FMNL3: variants seen among roughly 807,000 people sequenced by gnomAD.
FMNL3 encodes the protein formin-like protein 3.
Under a neutral mutation model 119.6 loss-of-function variants are expected in FMNL3, and 57 were observed. The observed-to-expected ratio is 0.48, with a 90% CI of 0.39 to 0.59. The LOEUF is 0.59. FMNL3 is among the 20% of genes least tolerant of loss of function. The probability of loss-of-function intolerance (pLI) is 0.00; values close to 1 mark genes in which losing one functional copy is unlikely to be tolerated. For missense variants in FMNL3, 1,053 were observed against 1,323.5 expected (o/e 0.80, Z 3.17); for synonymous variants, 491 against 507.3 (o/e 0.97, Z 0.43).
chr12:49,688,628 T>G, intron 1 of FMNL3: 1 of 413,724 alleles, frequency 2.4e-6, no homozygotes, highest in Non-Finnish European at 4.8e-6. Context: ...TAAGTGGGTC[T>G]GCAAGAATGA....
intron 1 of FMNL3, among the ~76,000 whole-genome samples, chr12:49,706,413 T>C (rs1945049588): frequency 6.6e-6 from 1 of 152,140 alleles, no homozygotes; most frequent in African/African-American, 2.4e-5. Context: ...CCCAGTGAAA[T>C]GGTTTATCCA....
intron 1 of FMNL3, among the ~76,000 whole-genome samples, chr12:49,694,857 A>T (rs1486549297): frequency 6.6e-6 from 1 of 152,056 alleles, no homozygotes; most frequent in Non-Finnish European, 1.5e-5. Flanking sequence ...GGTTGCAGAG[A>T]GCCGAGATTG....
At chr12:49,663,941 A>T (rs539491921) in intron 4 of FMNL3, among the ~76,000 whole-genome samples, 3 of 151,978 alleles carry the variant, frequency 2.0e-5, no homozygotes, top group Non-Finnish European at 2.9e-5. Context: ...ATCTCTACTA[A>T]ATTTTTTTTT....
At chr12:49,666,080 G>GGACTATAAA (rs1367198297) in intron 3 of FMNL3, 47 bp downstream of exon 3, 22 of 1,589,416 alleles carry the variant, frequency 1.4e-5, no homozygotes, top group Non-Finnish European at 1.9e-5. Flanking sequence ...AAACCCCACA[G>GGACTATAAA]GACTATAAAG....
At position 49,707,198 on chromosome 12, in the gene FMNL3, A is replaced by AG; in HGVS notation, c.-19dup. On this transcript the variant is annotated 5_prime_UTR_variant, in exon 1 of 26. Transcript: ENST00000335154. The stretch of plus-strand genomic sequence containing the variant: ...TTGCCCATCGCGGCGGGGCCCCCTC[A>AG]GGGGCCTCGGCCCCCCACCTCCACG... 1 of 1,507,414 alleles carries AG rather than the reference A, an allele frequency of 6.6e-7. No individual in the cohort carries two copies. Among genetic ancestry groups the AG allele is most frequent in the Admixed American group, 2.3e-5 (1 of 44,206 alleles). The allele number at this position is 1,507,414 out of a possible 1,614,324, so 93.4% of individuals were successfully genotyped here. A position where few individuals can be genotyped will look rare whatever the true frequency, so the allele number is the denominator to read the frequency against.
chr12:49,700,270 T>C (rs1944866929), intron 1 of FMNL3, among the ~76,000 whole-genome samples: 1 of 150,576 alleles, frequency 6.6e-6, no homozygotes, highest in South Asian at 2.1e-4. Context: ...CGGGCGCCTG[T>C]AGTCCCAGCT....
At position 49,674,376 on chromosome 12, in the gene FMNL3, C is replaced by G. The variant is rs966252237; in HGVS notation, c.127-5822G>C. Among the ~76,000 whole-genome samples, 8 of 152,182 alleles carry G rather than the reference C, an allele frequency of 5.3e-5. 1 individual carries two copies. Among genetic ancestry groups the G allele is most frequent in the Admixed American group, 2.0e-4 (3 of 15,276 alleles). ...AAACACTTCAGCTGTACCACCCCAC[C>G]ACCACACCAAAGCACTCAAGAATAT... is the stretch of plus-strand genomic sequence containing the variant. On this transcript the variant is annotated intron_variant, in intron 1 of 25. Coordinates refer to ENST00000335154, the MANE Select transcript of FMNL3 (RefSeq NM_175736.5).
chr12:49,655,797 C>G (rs183602938), intron 9 of FMNL3, among the ~76,000 whole-genome samples: 2 of 151,890 alleles, frequency 1.3e-5, no homozygotes, highest in Admixed American at 6.5e-5. Context: ...GGGAAGAGGT[C>G]CAAAGAAGAG....
intron 21 of FMNL3, among the ~76,000 whole-genome samples, chr12:49,648,658 A>G (rs531989947): frequency 6.6e-6 from 1 of 152,230 alleles, no homozygotes; most frequent in Non-Finnish European, 1.5e-5. Context: ...GGCAGAAATA[A>G]CAGCTACCTC....
chr12:49,673,827 CTGTT>C (rs1346985083), intron 1 of FMNL3, among the ~76,000 whole-genome samples: 10 of 152,396 alleles, frequency 6.6e-5, no homozygotes, highest in Admixed American at 3.3e-4. Flanking sequence ...CTCCACGTCA[CTGTT>C]TGTTTATCTC....
At chr12:49,701,709 G>A (rs991670752) in intron 1 of FMNL3, among the ~76,000 whole-genome samples, 1 of 151,920 alleles carries the variant, frequency 6.6e-6, no homozygotes, top group African/African-American at 2.4e-5. Flanking sequence ...ATCACTTGAG[G>A]CCAGGGGTTC....
intron 1 of FMNL3, among the ~76,000 whole-genome samples, chr12:49,690,763 A>T (rs1469607288): frequency 6.6e-6 from 1 of 152,234 alleles, no homozygotes; most frequent in East Asian, 1.9e-4. Flanking sequence ...AGGAGAGTCA[A>T]CCCCGCAAAA....
At chr12:49,694,870 C>G (rs529460736) in intron 1 of FMNL3, among the ~76,000 whole-genome samples, 2 of 152,140 alleles carry the variant, frequency 1.3e-5, no homozygotes, top group South Asian at 2.1e-4. Flanking sequence ...CGAGATTGCG[C>G]CACTGCACTC....
chr12:49,650,026 T>C, intron 17 of FMNL3, 101 bp from the exon 18 acceptor site: 1 of 1,034,344 alleles, frequency 9.7e-7, no homozygotes, highest in East Asian at 2.6e-5. Flanking sequence ...CAGGGGACTG[T>C]ACACGGAACA....
intron 5 of FMNL3, 100 bp downstream of exon 5, chr12:49,661,866 C>A: frequency 8.6e-7 from 1 of 1,156,970 alleles, no homozygotes. Context: ...ATTCCCATTT[C>A]CATCTTCATT....
intron 9 of FMNL3, among the ~76,000 whole-genome samples, chr12:49,656,056 A>G (rs571310136): frequency 2.6e-5 from 4 of 152,042 alleles, no homozygotes; most frequent in African/African-American, 9.7e-5. Flanking sequence ...TCACTTAAGT[A>G]CATATACTCA....
In FMNL3 at chr12:49,688,451, T is replaced by A. The variant is rs1053441523; in HGVS notation, c.126+18604A>T. 1.8e-5 allele frequency: 8 copies of A among 456,116 alleles called. No individual in the cohort carries two copies. In the East Asian group the frequency reaches 4.9e-4, roughly 28 times the overall value. The allele number at this position is 456,116 out of a possible 1,614,324, so 28.3% of individuals were successfully genotyped here. On this transcript the variant is annotated intron_variant, in intron 1 of 25. Transcript: ENST00000335154. ...TAATCTGGGCCCTGCTCACCTTTCC[T>A]ATACCTTCTCGGACTCTCCTCAGCA...
intron 4 of FMNL3, 97 bp downstream of exon 4, chr12:49,665,735 A>G: frequency 7.8e-7 from 1 of 1,287,052 alleles, no homozygotes; most frequent in South Asian, 1.2e-5. Context: ...GGCAGGGAAG[A>G]TGAACAGGAA....
rs2138661985 is a variant in FMNL3, at chr12:49,643,053, G to A, written c.*2762C>T. 2.5e-6 allele frequency: 4 copies of A among 1,606,082 alleles called. No homozygotes were observed. The highest frequency in any genetic ancestry group is 3.4e-6 in the Non-Finnish European group (4 of 1,173,750). ...TGTAGAAGGGACATGGGGTGAAGCT[G>A]GGTTGTTTTGGGGAAATAAACACTT... On this transcript the variant is annotated 3_prime_UTR_variant, in exon 26 of 26. Coordinates refer to ENST00000335154, the MANE Select transcript of FMNL3 (RefSeq NM_175736.5).
Sources: gnomAD v4.1 joint callset for allele counts (sites outside exome capture counted in the v4.1 genomes callset) on GRCh38, gnomAD v4.1.1 for gene constraint, MANE v1.5 for transcripts, NCBI Gene and HGNC (gene_info 2026-07-23, HGNC 2026-07-21) for gene names.